The following CNIH3 variants were observed in gnomAD, a reference collection of about 807,000 sequenced individuals.
CNIH3 encodes the protein cornichon family AMPA receptor auxiliary protein 3.
CNIH3 carries 14 observed loss-of-function variants against 24.1 expected under a neutral mutation model. The observed-to-expected ratio is 0.58, with a 90% CI of 0.38 to 0.91. The LOEUF (loss-of-function observed/expected upper bound fraction) is 0.91. CNIH3 is among the 40% of genes least tolerant of loss of function. The probability of loss-of-function intolerance (pLI) is 0.00; values close to 1 mark genes in which losing one functional copy is unlikely to be tolerated. For synonymous variants in CNIH3, 68 were observed against 73.8 expected (o/e 0.92, Z 0.40); for missense variants, 178 against 196.8 (o/e 0.90, Z 0.57).
Position 224,616,819 on chromosome 1 carries a change from A to C in CNIH3, c.-356A>C. On this transcript the variant is annotated 5_prime_UTR_variant, in exon 1 of 6. Transcript: ENST00000272133. ...GACCTCCTCCCTCGGTCCTCCGTGGAGTCGTCGCATCGCTTGTCGTGTTGG... is the reference window on the plus strand; with the variant it reads ...GACCTCCTCCCTCGGTCCTCCGTGGCGTCGTCGCATCGCTTGTCGTGTTGG... 1 of 1,106,142 alleles carries C rather than the reference A, an allele frequency of 9.0e-7. No individual in the cohort carries two copies. Among genetic ancestry groups the C allele is most frequent in the Non-Finnish European group, 1.1e-6 (1 of 907,042 alleles). The allele number at this position is 1,106,142 out of a possible 1,614,324, so 68.5% of individuals were successfully genotyped here. A position where few individuals can be genotyped will look rare whatever the true frequency, so the allele number is the denominator to read the frequency against.
At chr1:224,489,719 C>A (rs1216513772) in intron 1 of CNIH3, among the ~76,000 whole-genome samples, 1 of 152,158 alleles carries the variant, frequency 6.6e-6, no homozygotes, top group Non-Finnish European at 1.5e-5. Flanking sequence ...TGTAACAAAA[C>A]ACCATAGACT....
chr1:224,531,719 C>A (rs548889380), intron 2 of CNIH3, among the ~76,000 whole-genome samples: 1 of 152,150 alleles, frequency 6.6e-6, no homozygotes, highest in Non-Finnish European at 1.5e-5. Flanking sequence ...CACTGCACTG[C>A]GGAGAATATG....
At chr1:224,718,205 G>T (rs1417923755) in intron 3 of CNIH3, among the ~76,000 whole-genome samples, 1 of 152,114 alleles carries the variant, frequency 6.6e-6, no homozygotes, top group Non-Finnish European at 1.5e-5. Context: ...GGAGGGAGAC[G>T]ATACTAGATT....
intron 4 of CNIH3, among the ~76,000 whole-genome samples, chr1:224,567,986 T>C (rs915677623): frequency 2.6e-5 from 4 of 152,136 alleles, no homozygotes; most frequent in Non-Finnish European, 5.9e-5. Flanking sequence ...TTTACTCAAA[T>C]TTGTTTTAAA....
intron 1 of CNIH3, among the ~76,000 whole-genome samples, chr1:224,480,222 G>C (rs1676754068): frequency 6.6e-6 from 1 of 152,204 alleles, no homozygotes; most frequent in African/African-American, 2.4e-5. Flanking sequence ...GCCCCTTTTA[G>C]TCACGGCTGA....
intron 5 of CNIH3, among the ~76,000 whole-genome samples, chr1:224,735,511 T>C (rs1689550277): frequency 6.6e-6 from 1 of 152,134 alleles, no homozygotes; most frequent in Non-Finnish European, 1.5e-5. Context: ...CTCCCGGTGA[T>C]GTCTCCAAAA....
chr1:224,545,302 C>T (rs532111415), intron 2 of CNIH3, among the ~76,000 whole-genome samples: 7 of 152,346 alleles, frequency 4.6e-5, no homozygotes, highest in African/African-American at 1.7e-4. Context: ...CCTTTCTGCC[C>T]ATCCTTCACC....
intron 3 of CNIH3, among the ~76,000 whole-genome samples, chr1:224,602,665 A>T (rs191739241): frequency 4.6e-5 from 7 of 152,376 alleles, no homozygotes; most frequent in Admixed American, 4.6e-4. Context: ...TCATATGTAC[A>T]TGGGAGACAC....
At chr1:224,575,782 C>T (rs898155538) in intron 4 of CNIH3, among the ~76,000 whole-genome samples, 8 of 151,728 alleles carry the variant, frequency 5.3e-5, no homozygotes, top group African/African-American at 1.7e-4. Flanking sequence ...AGAAAAATTA[C>T]GAAGATCTAT....
chr1:224,604,939 T>C lies in CNIH3; in HGVS notation n.402+38675T>C, dbSNP rs1036772747. ...CAGAGGAGAGGGGACATGGGGTTGGTCCTGCTACCTGAAAGCAGGAAAGTT... is the reference window on the plus strand; with the variant it reads ...CAGAGGAGAGGGGACATGGGGTTGGCCCTGCTACCTGAAAGCAGGAAAGTT... On this transcript the variant is annotated intron_variant and non_coding_transcript_variant, in intron 3 of 7. Transcript: ENST00000478120. The surrounding 1 kb of genome is among the most constrained non-coding windows in gnomAD (Gnocchi z 4.4). Among the ~76,000 whole-genome samples, 3 of 152,186 alleles carry C rather than the reference T, an allele frequency of 2.0e-5. No homozygotes were observed. Among genetic ancestry groups the C allele is most frequent in the Non-Finnish European group, 2.9e-5 (2 of 68,036 alleles).
At chr1:224,697,561 G>A (rs1687242100) in intron 3 of CNIH3, among the ~76,000 whole-genome samples, 1 of 152,134 alleles carries the variant, frequency 6.6e-6, no homozygotes, top group South Asian at 2.1e-4. Flanking sequence ...CAGGGAGATG[G>A]TCAGCCCAGT....
intron 1 of CNIH3, among the ~76,000 whole-genome samples, chr1:224,631,974 A>T (rs1361768458): frequency 3.3e-5 from 5 of 152,196 alleles, no homozygotes; most frequent in Admixed American, 1.3e-4. Flanking sequence ...TGTTCTGTGA[A>T]CGTTTTTAAG....
intron 1 of CNIH3, among the ~76,000 whole-genome samples, chr1:224,658,844 G>T (rs1685216638): frequency 6.6e-6 from 1 of 151,702 alleles, no homozygotes; most frequent in Admixed American, 6.6e-5. Context: ...TATTATTAAT[G>T]TTAAAGCTAA....
intron 3 of CNIH3, among the ~76,000 whole-genome samples, chr1:224,605,835 C>T (rs535357358): frequency 6.6e-6 from 1 of 152,180 alleles, no homozygotes; most frequent in African/African-American, 2.4e-5. Flanking sequence ...CTTTGAAAAA[C>T]CCCTAATCTC....
downstream of CNIH3, among the ~76,000 whole-genome samples, chr1:224,539,289 A>C (rs1407556700): frequency 6.6e-6 from 1 of 151,402 alleles, no homozygotes; most frequent in African/African-American, 2.4e-5. Flanking sequence ...TTCTCTTTAA[A>C]CTCCAGGGTC....
chr1:224,512,406 G>A (rs115004356), upstream of CNIH3, among the ~76,000 whole-genome samples: 11 of 152,282 alleles, frequency 7.2e-5, no homozygotes, highest in African/African-American at 2.6e-4. Flanking sequence ...GTTGAGCCCA[G>A]GTGTTTGAGG....
At chr1:224,546,215 G>T (rs1679698865) in intron 2 of CNIH3, among the ~76,000 whole-genome samples, 1 of 152,066 alleles carries the variant, frequency 6.6e-6, no homozygotes, top group Non-Finnish European at 1.5e-5. Flanking sequence ...TTGTATGTTT[G>T]GATACAACTT....
At chr1:224,618,596 G>T (rs1683142332) in intron 1 of CNIH3, among the ~76,000 whole-genome samples, 1 of 152,198 alleles carries the variant, frequency 6.6e-6, no homozygotes, top group Non-Finnish European at 1.5e-5. Flanking sequence ...GGTGGCTTCC[G>T]ATCATGTAAC....
chr1:224,550,194 T>C (rs1325044539), intron 3 of CNIH3, among the ~76,000 whole-genome samples: 1 of 152,200 alleles, frequency 6.6e-6, no homozygotes, highest in South Asian at 2.1e-4. Context: ...GCAATGATAT[T>C]ACGTTAATAT....
Sources: gnomAD v4.1 joint callset for allele counts (sites outside exome capture counted in the v4.1 genomes callset) on GRCh38, gnomAD v4.1.1 for gene constraint, Gnocchi (gnomAD v3.1) non-coding constraint, MANE v1.5 for transcripts, NCBI Gene and HGNC (gene_info 2026-07-23, HGNC 2026-07-21) for gene names.